The following DAB1 variants were observed in gnomAD, a reference collection of about 807,000 sequenced individuals.
The protein encoded by DAB1 is DAB adaptor protein 1, also known as disabled homolog 1.
DAB1 carries 15 observed loss-of-function variants against 64.6 expected under a neutral mutation model. That is an observed-to-expected ratio of 0.23 (90% CI 0.16 to 0.36). The LOEUF (loss-of-function observed/expected upper bound fraction) is 0.36, where lower values mean the gene tolerates loss of function less well. DAB1 is among the 10% of genes least tolerant of loss of function. DAB1 has a pLI of 1.00. For synonymous variants in DAB1, 235 were observed against 251.9 expected (o/e 0.93, Z 0.64); for missense variants, 596 against 706.7 (o/e 0.84, Z 1.78).
At chr1:57,113,034 G>A (rs1275178978) in intron 4 of DAB1, among the ~76,000 whole-genome samples, 1 of 152,114 alleles carries the variant, frequency 6.6e-6, no homozygotes, top group African/African-American at 2.4e-5. Flanking sequence ...GGGGGTAAGG[G>A]GAGGAAAAAG....
At chr1:57,867,223 C>A (rs763103645) in intron 1 of DAB1, 3 of 152,138 alleles carry the variant, frequency 2.0e-5, no homozygotes, top group Non-Finnish European at 2.9e-5. Flanking sequence ...GACTTCACCC[C>A]GGAAAACTCC....
chr1:57,967,923 A>G (rs1645707543), intron 5 of DAB1, among the ~76,000 whole-genome samples: 1 of 152,152 alleles, frequency 6.6e-6, no homozygotes, highest in Non-Finnish European at 1.5e-5. Flanking sequence ...AAATTTTTGC[A>G]TTTTCGTATA....
At chr1:57,495,144 A>G (rs1181852870) in intron 7 of DAB1, among the ~76,000 whole-genome samples, 3 of 152,164 alleles carry the variant, frequency 2.0e-5, no homozygotes, top group Non-Finnish European at 4.4e-5. Context: ...CCAAAGCTCA[A>G]TGTGAGTTAA....
intron 1 of DAB1, among the ~76,000 whole-genome samples, chr1:57,830,944 C>T (rs147943138): frequency 1.7e-3 from 252 of 152,220 alleles, no homozygotes; most frequent in African/African-American, 5.8e-3. Context: ...GATGGAGTCT[C>T]GCTCTGTTGC....
intron 1 of DAB1, among the ~76,000 whole-genome samples, chr1:57,391,772 C>CACAA (rs1452452484): frequency 5.8e-5 from 4 of 69,080 alleles, no homozygotes; most frequent in African/African-American, 1.6e-4. Context: ...AATAAACACA[C>CACAA]ACACACACAC....
At chr1:57,232,171 A>G (rs538721230) in intron 2 of DAB1, among the ~76,000 whole-genome samples, 1 of 151,934 alleles carries the variant, frequency 6.6e-6, no homozygotes, top group Admixed American at 6.6e-5. Flanking sequence ...AGGTTTTTAT[A>G]TGACATGCAA....
chr1:58,515,462 T>C (rs1175970958), intron 2 of DAB1, among the ~76,000 whole-genome samples: 2 of 152,182 alleles, frequency 1.3e-5, no homozygotes, highest in Non-Finnish European at 2.9e-5. Flanking sequence ...TTTCCCTCTA[T>C]CTTAGGTAAA....
chr1:57,637,723 T>C (rs1646074188), intron 7 of DAB1, among the ~76,000 whole-genome samples: 1 of 152,208 alleles, frequency 6.6e-6, no homozygotes, highest in African/African-American at 2.4e-5. Flanking sequence ...GGGCATTAAA[T>C]GTTTTTAGTA....
intron 4 of DAB1, among the ~76,000 whole-genome samples, chr1:58,151,187 T>C (rs1201728910): frequency 6.6e-6 from 1 of 152,250 alleles, no homozygotes; most frequent in Non-Finnish European, 1.5e-5. Flanking sequence ...GCATGATTTA[T>C]AATCCTTTGG....
At chr1:57,993,342 C>A (rs1646376659) in intron 5 of DAB1, among the ~76,000 whole-genome samples, 1 of 152,128 alleles carries the variant, frequency 6.6e-6, no homozygotes, top group African/African-American at 2.4e-5. Context: ...GGGGAGGAAC[C>A]CACCGGAGTC....
chr1:58,224,428 T>C (rs1279176262), intron 4 of DAB1, among the ~76,000 whole-genome samples: 1 of 152,214 alleles, frequency 6.6e-6, no homozygotes, highest in East Asian at 1.9e-4. Context: ...ATGATGCTTA[T>C]TGATAAGATG....
Position 57,662,179 on chromosome 1 carries a change from CTTTGTTTG to C in DAB1, n.552-12522_552-12515del, listed in dbSNP as rs369739263. On this transcript the variant is annotated intron_variant and non_coding_transcript_variant, in intron 6 of 20. Transcript: ENST00000485760. Reference sequence around the variant, plus strand: ...AAAGCTCTGTCTAGAGAATGTTGTTCTTTGTTTGTTTGTTTGTTTGTTTGTTTGTTTTT... The same window carrying C: ...AAAGCTCTGTCTAGAGAATGTTGTTCTTTGTTTGTTTGTTTGTTTGTTTTT... Among the ~76,000 whole-genome samples, 1,283 of 151,776 alleles carry C rather than the reference CTTTGTTTG, an allele frequency of 8.5e-3. 17 individuals carry two copies. The highest frequency in any genetic ancestry group is 0.029 in the African/African-American group (1,197 of 41,308).
chr1:57,338,148 C>A (rs1677254147), intron 1 of DAB1, among the ~76,000 whole-genome samples: 2 of 152,052 alleles, frequency 1.3e-5, no homozygotes, highest in Admixed American at 6.6e-5. Context: ...CCACACCTGG[C>A]TAATTTTTGC....
intron 2 of DAB1, among the ~76,000 whole-genome samples, chr1:58,514,679 G>A (rs1646132541): frequency 2.0e-5 from 3 of 152,132 alleles, no homozygotes; most frequent in African/African-American, 4.8e-5. Flanking sequence ...ATTGTGGCAG[G>A]GGGAGCTGGG....
intron 1 of DAB1, among the ~76,000 whole-genome samples, chr1:57,846,226 G>A (rs1181651481): frequency 1.3e-5 from 2 of 152,058 alleles, no homozygotes; most frequent in East Asian, 1.9e-4. Flanking sequence ...TTGGGAGGCC[G>A]AGGTGGGCAG....
At chr1:57,843,322 G>A (rs993159787) in intron 1 of DAB1, among the ~76,000 whole-genome samples, 1 of 152,174 alleles carries the variant, frequency 6.6e-6, no homozygotes, top group African/African-American at 2.4e-5. Flanking sequence ...TAGCAAGAAT[G>A]TAGGTTTTAG....
intron 7 of DAB1, among the ~76,000 whole-genome samples, chr1:57,575,174 C>A (rs1645236069): frequency 6.6e-6 from 1 of 152,080 alleles, no homozygotes; most frequent in Admixed American, 6.5e-5. Flanking sequence ...TGATCTTATG[C>A]AAATTTTTAA....
At chr1:58,352,914 A>G (rs1644072255) in intron 3 of DAB1, among the ~76,000 whole-genome samples, 1 of 152,164 alleles carries the variant, frequency 6.6e-6, no homozygotes, top group Non-Finnish European at 1.5e-5. Flanking sequence ...TTCACCAGAC[A>G]TTGAATCTGC....
intron 7 of DAB1, among the ~76,000 whole-genome samples, chr1:57,437,498 T>C (rs569029006): frequency 6.4e-4 from 98 of 152,364 alleles, no homozygotes; most frequent in African/African-American, 2.2e-3. Context: ...AATTTTCTAC[T>C]TTAAAAACTT....
Sources: allele counts gnomAD v4.1 joint callset (sites outside exome capture counted in the v4.1 genomes callset), GRCh38; gene constraint gnomAD v4.1.1; transcripts MANE v1.5; gene names NCBI Gene and HGNC (gene_info 2026-07-23, HGNC 2026-07-21).